Variants in MRC1 observed in about 807,000 individuals in gnomAD.
The protein encoded by MRC1 is mannose receptor C-type 1.
In MRC1, 62 loss-of-function variants were observed where a neutral mutation model predicts 102.9. The observed-to-expected ratio is 0.60, with a 90% CI of 0.49 to 0.74. MRC1 has a LOEUF of 0.74. MRC1 is among the 30% of genes least tolerant of loss of function. The pLI is 0.00. For missense variants in MRC1, 1,237 were observed against 862.8 expected, an observed-to-expected ratio of 1.43 and a Z score of -5.43; for synonymous variants, 457 against 298.4, an observed-to-expected ratio of 1.53 and a Z score of -5.48.
intron 1 of MRC1, among the ~76,000 whole-genome samples, chr10:17,816,147 C>T (rs1838308495): frequency 6.6e-6 from 1 of 152,212 alleles, no homozygotes. Flanking sequence ...CCTGGCATAG[C>T]TTCTTGAATG....
intron 18 of MRC1, among the ~76,000 whole-genome samples, chr10:17,878,767 A>C (rs928036645): frequency 1.3e-5 from 2 of 151,994 alleles, no homozygotes; most frequent in African/African-American, 2.4e-5. Context: ...GGTTCAAGCA[A>C]TCCTTCCGCT....
At chr10:17,884,291 C>G (rs902814874) in intron 21 of MRC1, among the ~76,000 whole-genome samples, 29 of 152,148 alleles carry the variant, frequency 1.9e-4, no homozygotes, top group African/African-American at 5.8e-4. Flanking sequence ...ATTTTAGCAT[C>G]AGGATGGTCC....
intron 6 of MRC1, 151 bp downstream of exon 6, chr10:17,845,586 T>C: frequency 1.4e-6 from 1 of 708,572 alleles, no homozygotes; most frequent in Non-Finnish European, 2.6e-6. Context: ...TATTTCTGTG[T>C]GCTGGTTGCT....
Position 17,852,961 on chromosome 10 carries a change from G to A in MRC1, c.1250-6G>A, listed in dbSNP as rs938362019. The A allele has an allele frequency of 6.9e-5, 54 of 780,662 alleles. No individual in the cohort carries two copies. The highest frequency in any genetic ancestry group is 2.0e-4 in the Admixed American group (12 of 59,004). 48.4% of individuals were successfully genotyped at this position (780,662 alleles called of 1,614,324 possible). A position where few individuals can be genotyped will look rare whatever the true frequency, so the allele number is the denominator to read the frequency against. ...TATATACCACTGTGTGTTTCTTCCT[G>A]TTTAGAGCCAAATGACGAATTGTGG... On this transcript the variant is annotated splice_polypyrimidine_tract_variant and splice_region_variant and intron_variant, in intron 7 of 29. Transcript: ENST00000569591.
intron 2 of MRC1, among the ~76,000 whole-genome samples, chr10:17,824,265 C>A (rs1248159941): frequency 3.3e-5 from 5 of 152,184 alleles, no homozygotes. Context: ...AAAGGCTGGT[C>A]TCTTGAGTCA....
intron 15 of MRC1, 152 bp downstream of exon 15, chr10:17,872,278 G>C (rs1214828343): frequency 1.4e-6 from 1 of 729,298 alleles, no homozygotes; most frequent in East Asian, 2.4e-5. Context: ...GCATGAAGTT[G>C]ATAAGCACAG....
intron 2 of MRC1, among the ~76,000 whole-genome samples, chr10:17,826,772 C>A (rs1554838682): frequency 6.6e-6 from 1 of 152,196 alleles, no homozygotes; most frequent in African/African-American, 2.4e-5. Flanking sequence ...GAACCCAGAG[C>A]TTCCCACTCA....
At position 17,812,856 on chromosome 10, in the gene MRC1, C is replaced by T. The variant is rs953628969; in HGVS notation, c.61+3330C>T. 4.3e-3 allele frequency among the ~76,000 whole-genome samples: 659 copies of T among 152,262 alleles called. 5 individuals carry two copies. The highest frequency in any genetic ancestry group is 0.015 in the African/African-American group (627 of 41,550). ...AAAGTGCTGACATTACAGGCATGAG[C>T]CACCACACCTGGCCAACAATAGGCT... is the stretch of plus-strand genomic sequence containing the variant. On this transcript the variant is annotated intron_variant, in intron 1 of 29. Coordinates refer to ENST00000569591, the MANE Select transcript of MRC1 (RefSeq NM_002438.4).
chr10:17,898,383 T>C, intron 24 of MRC1, 117 bp downstream of exon 24: 2 of 763,894 alleles, frequency 2.6e-6, no homozygotes, highest in Non-Finnish European at 2.4e-6. Flanking sequence ...TGCTAGGCAA[T>C]GTGAATGATA....
At chr10:17,898,860 A>G (rs1040412430) in intron 24 of MRC1, among the ~76,000 whole-genome samples, 3 of 152,332 alleles carry the variant, frequency 2.0e-5, no homozygotes, top group East Asian at 3.9e-4. Context: ...ATGCCTAGTC[A>G]TGCATCTGTC....
chr10:17,870,690 T>A (rs1833342701), intron 13 of MRC1, among the ~76,000 whole-genome samples, 158 bp from the exon 14 acceptor site: 1 of 152,216 alleles, frequency 6.6e-6, no homozygotes, highest in Non-Finnish European at 1.5e-5. Context: ...AAAATGCACA[T>A]CTATTGCATA....
chr10:17,874,959 T>C lies in MRC1; in HGVS notation c.2387-131T>C, dbSNP rs1013342827. The C allele has an allele frequency of 1.9e-4, 140 of 736,774 alleles. No homozygotes were observed. The African/African-American group carries it at 2.2e-3, about 12-fold the overall frequency. 45.6% of individuals were successfully genotyped at this position (736,774 alleles called of 1,614,324 possible). Reference sequence around the variant, plus strand: ...TGTATTTGACGTGGACATTCTGCTGTTCTGGTCTCTCAGAGTTGCAGATGC... The same window carrying C: ...TGTATTTGACGTGGACATTCTGCTGCTCTGGTCTCTCAGAGTTGCAGATGC... On this transcript the variant is annotated intron_variant, in intron 16 of 29. Transcript: ENST00000569591.
intron 23 of MRC1, among the ~76,000 whole-genome samples, chr10:17,896,607 T>A (rs899452036): frequency 6.6e-6 from 1 of 152,024 alleles, no homozygotes; most frequent in Non-Finnish European, 1.5e-5. Context: ...AGTATTAAAG[T>A]GAAAAAAGGT....
In MRC1 at chr10:17,887,600, A is replaced by G. The variant is rs961677723; in HGVS notation, c.3147+2165A>G. 2.0e-5 allele frequency among the ~76,000 whole-genome samples: 3 copies of G among 152,170 alleles called. No individual in the cohort carries two copies. The East Asian group carries it at 5.8e-4, about 29-fold the overall frequency. ...GTAAATCAAAAACGTTCATTATTGC[A>G]CATATTTTTGTTGTTTCTAGAACAT... On this transcript the variant is annotated intron_variant, in intron 22 of 29. Coordinates refer to ENST00000569591, the MANE Select transcript of MRC1 (RefSeq NM_002438.4).
At chr10:17,841,663 A>G (rs1203804381) in intron 5 of MRC1, among the ~76,000 whole-genome samples, 2 of 152,140 alleles carry the variant, frequency 1.3e-5, no homozygotes, top group Non-Finnish European at 2.9e-5. Flanking sequence ...CACCAGTACC[A>G]ACTGGCGTTA....
chr10:17,903,225 A>G (rs1412964158), intron 26 of MRC1, among the ~76,000 whole-genome samples: 2 of 151,884 alleles, frequency 1.3e-5, no homozygotes, highest in Non-Finnish European at 2.9e-5. Context: ...TACTCCATTT[A>G]CACTTAATGT....
intron 22 of MRC1, among the ~76,000 whole-genome samples, chr10:17,892,544 T>A (rs1833694307): frequency 1.3e-5 from 2 of 152,236 alleles, no homozygotes; most frequent in Non-Finnish European, 2.9e-5. Context: ...TTCTCGCCAT[T>A]TTCTTGCATT....
chr10:17,897,957 G>A, intron 23 of MRC1, 77 bp from the exon 24 acceptor site: 10 of 778,630 alleles, frequency 1.3e-5, no homozygotes, highest in Non-Finnish European at 2.4e-5. Flanking sequence ...TATGATAGAT[G>A]AGATACACTT....
chr10:17,833,285 C>T (rs1265378655), intron 3 of MRC1, among the ~76,000 whole-genome samples: 1 of 152,024 alleles, frequency 6.6e-6, no homozygotes, highest in African/African-American at 2.4e-5. Context: ...CTTTGGGAAG[C>T]TGAGGCAGGA....
Sources: gnomAD v4.1 joint callset for allele counts (sites outside exome capture counted in the v4.1 genomes callset) on GRCh38, gnomAD v4.1.1 for gene constraint, MANE v1.5 for transcripts, NCBI Gene and HGNC (gene_info 2026-07-23, HGNC 2026-07-21) for gene names.